The following ERICH1 variants were observed in gnomAD, a reference collection of about 807,000 sequenced individuals.
ERICH1 encodes glutamate-rich protein 1.
Under a neutral mutation model 39.6 loss-of-function variants are expected in ERICH1, and 56 were observed. The observed-to-expected ratio is 1.41, with a 90% confidence interval of 1.14 to 1.77. ERICH1 has a LOEUF of 1.77. ERICH1 is among the 40% of genes most tolerant of loss of function. ERICH1 has a pLI of 0.00. For synonymous variants in ERICH1, 313 were observed against 223.6 expected, an observed-to-expected ratio of 1.40 and a Z score of -3.57; for missense variants, 826 against 575.4, an observed-to-expected ratio of 1.44 and a Z score of -4.45.
At chr8:703,655 C>T (rs1812653680) in intron 2 of ERICH1, among the ~76,000 whole-genome samples, 1 of 152,146 alleles carries the variant, frequency 6.6e-6, no homozygotes, top group South Asian at 2.1e-4. Context: ...TCTCCTCCTT[C>T]CCGCTCCAAC....
At chr8:678,153 A>T (rs560133448) in intron 3 of ERICH1, among the ~76,000 whole-genome samples, 3 of 144,352 alleles carry the variant, frequency 2.1e-5, no homozygotes, top group Non-Finnish European at 3.1e-5. Context: ...AATATACATT[A>T]AAAAAAAAAG....
intron 2 of ERICH1, among the ~76,000 whole-genome samples, chr8:697,791 T>C (rs114005238): frequency 9.3e-5 from 14 of 150,808 alleles, no homozygotes; most frequent in African/African-American, 3.2e-4. Context: ...ATTCGGGACA[T>C]GCAGCAGCAG....
At chr8:629,863 G>C (rs1797868199) in intron 3 of ERICH1, among the ~76,000 whole-genome samples, 3 of 125,514 alleles carry the variant, frequency 2.4e-5, no homozygotes, top group South Asian at 2.6e-4. Flanking sequence ...CACCCACACA[G>C]ACAGAGCTGA....
intron 3 of ERICH1, among the ~76,000 whole-genome samples, chr8:688,744 C>A (rs940618544): frequency 1.3e-5 from 2 of 152,126 alleles, no homozygotes; most frequent in African/African-American, 4.8e-5. Context: ...ACAACTGCTA[C>A]TGAATAAAAA....
chr8:635,771 G>A (rs187100424), intron 3 of ERICH1, among the ~76,000 whole-genome samples: 27 of 152,340 alleles, frequency 1.8e-4, no homozygotes, highest in African/African-American at 6.5e-4. Flanking sequence ...CAGCGTGTGT[G>A]TGTGTGTCCG....
chr8:699,382 A>G (rs1348374971), intron 2 of ERICH1, among the ~76,000 whole-genome samples: 2 of 152,106 alleles, frequency 1.3e-5, no homozygotes, highest in African/African-American at 2.4e-5. Context: ...GTACCACGAC[A>G]TTTCAAGTAA....
chr8:708,689 T>TTTTTG (rs1813951418), intron 2 of ERICH1, among the ~76,000 whole-genome samples: 2 of 36,308 alleles, frequency 5.5e-5, no homozygotes, highest in South Asian at 2.3e-3. Flanking sequence ...GAGTTTTTTT[T>TTTTTG]TTTTTTTTTT....
chr8:663,111 A>C (rs1801676336), downstream of ERICH1, among the ~76,000 whole-genome samples: 1 of 152,250 alleles, frequency 6.6e-6, no homozygotes, highest in Non-Finnish European at 1.5e-5. Flanking sequence ...ACCAGATCCA[A>C]GGGGACTATT....
intron 3 of ERICH1, among the ~76,000 whole-genome samples, chr8:690,639 A>T (rs562408137): frequency 1.6e-4 from 25 of 152,332 alleles, no homozygotes; most frequent in African/African-American, 6.0e-4. Flanking sequence ...CTGGGCGACA[A>T]GGCCCTGGGC....
downstream of ERICH1, among the ~76,000 whole-genome samples, chr8:662,058 C>G (rs1327839145): frequency 1.3e-5 from 2 of 151,944 alleles, no homozygotes; most frequent in African/African-American, 4.8e-5. Context: ...AAAGGCCACA[C>G]ATGACCCACC....
At chr8:621,314 A>G (rs1563160336) in intron 3 of ERICH1, among the ~76,000 whole-genome samples, 1 of 152,130 alleles carries the variant, frequency 6.6e-6, no homozygotes, top group Non-Finnish European at 1.5e-5. Flanking sequence ...TTATATTAAA[A>G]AAGACACTCT....
intron 3 of ERICH1, among the ~76,000 whole-genome samples, chr8:636,216 C>T (rs1798426003): frequency 1.3e-5 from 2 of 152,264 alleles, no homozygotes; most frequent in African/African-American, 4.8e-5. Flanking sequence ...GCCCCAACCA[C>T]CTCCATGGCC....
intron 3 of ERICH1, among the ~76,000 whole-genome samples, chr8:642,989 G>A (rs1173079955): frequency 1.3e-5 from 2 of 152,172 alleles, no homozygotes; most frequent in Non-Finnish European, 2.9e-5. Flanking sequence ...TTGGAACGTG[G>A]CCCGAAACAA....
rs190090893 is a variant in ERICH1 at position 707,914 on chromosome 8, T to C, written c.169+7947A>G. ...TCAGGTATCTGATGAGGACTCAGTA[T>C]GGAGGATGTACAACCAATTCCGACA... On this transcript the variant is annotated intron_variant, in intron 2 of 5. Transcript: ENST00000262109. Among the ~76,000 whole-genome samples, 99 of 152,278 alleles carry C rather than the reference T, an allele frequency of 6.5e-4. 1 individual carries two copies. The highest frequency in any genetic ancestry group is 6.1e-3 in the Admixed American group (94 of 15,294).
At chr8:665,293 C>G (rs774285157) in intron 5 of ERICH1, among the ~76,000 whole-genome samples, 2 of 152,158 alleles carry the variant, frequency 1.3e-5, no homozygotes, top group Non-Finnish European at 2.9e-5. Flanking sequence ...CACTGGTCCC[C>G]GGCTCCAACC....
intron 3 of ERICH1, among the ~76,000 whole-genome samples, chr8:652,626 G>C (rs1326125539): frequency 1.3e-5 from 2 of 152,178 alleles, no homozygotes; most frequent in East Asian, 3.9e-4. Context: ...AGTTGTCTTA[G>C]GCATGAATAA....
chr8:640,179 C>T lies in ERICH1; in HGVS notation c.977-24895G>A, dbSNP rs542375078. Among the ~76,000 whole-genome samples, 5 of 152,234 alleles carry T rather than the reference C, an allele frequency of 3.3e-5. No homozygotes were observed. The South Asian group carries it at 1.0e-3, about 32-fold the overall frequency. On this transcript the variant is annotated intron_variant, in intron 3 of 3. Transcript: ENST00000522706. Reference sequence around the variant, plus strand: ...ATAACCGAGAAACTGAGTGGAATGCCGCCTAATCAAAGGACCCCTATGGAG... The same window carrying T: ...ATAACCGAGAAACTGAGTGGAATGCTGCCTAATCAAAGGACCCCTATGGAG...
chr8:682,074 G>GTCGT (rs1806256575), intron 3 of ERICH1, among the ~76,000 whole-genome samples: 2 of 2,880 alleles, frequency 6.9e-4, no homozygotes, highest in African/African-American at 2.6e-3. Flanking sequence ...ACTTTTCCAT[G>GTCGT]ATGAGTAGGT....
rs1339579182 is a variant in ERICH1 at position 647,168 on chromosome 8, C to T, written c.976+21430G>A. Among the ~76,000 whole-genome samples, 39 of 66,854 alleles carry T rather than the reference C, an allele frequency of 5.8e-4. 11 individuals carry two copies. The highest frequency in any genetic ancestry group is 1.5e-3 in the African/African-American group (38 of 25,080). 43.9% of individuals were successfully genotyped at this position (66,854 alleles called of 152,430 possible). A position where few individuals can be genotyped will look rare whatever the true frequency, so the allele number is the denominator to read the frequency against. ...GTTACACGCCCTGCTTTCAGAGACA[C>T]GTGGGGTCATCGTAACAGTTTCTGG... On this transcript the variant is annotated intron_variant, in intron 3 of 3. Coordinates refer to the ERICH1 transcript ENST00000522706.
Sources: gnomAD v4.1 joint callset for allele counts (sites outside exome capture counted in the v4.1 genomes callset) on GRCh38, gnomAD v4.1.1 for gene constraint, MANE v1.5 for transcripts, NCBI Gene and HGNC (gene_info 2026-07-23, HGNC 2026-07-21) for gene names.